The following HIVEP3 variants were observed in gnomAD, a reference collection of about 807,000 sequenced individuals.
HIVEP3 encodes the protein HIVEP zinc finger 3, also known as transcription factor HIVEP3.
HIVEP3 carries 49 observed loss-of-function variants against 152.8 expected under a neutral mutation model. The observed-to-expected ratio is 0.32, with a 90% CI of 0.26 to 0.41. HIVEP3 has a LOEUF of 0.41. Among genes scored for constraint, HIVEP3 ranks in the 10% least tolerant of loss-of-function variants. HIVEP3 has a pLI of 1.00. For synonymous variants in HIVEP3, 1,269 were observed against 1,289.0 expected, an observed-to-expected ratio of 0.98 and a Z score of 0.33; for missense variants, 2,790 against 3,103.3, an observed-to-expected ratio of 0.90 and a Z score of 2.40.
At chr1:41,927,933 T>C (rs1644976166) in intron 1 of HIVEP3, among the ~76,000 whole-genome samples, 1 of 151,698 alleles carries the variant, frequency 6.6e-6, no homozygotes, top group South Asian at 2.1e-4. Flanking sequence ...TGGTGACGTG[T>C]GCCTATAATC....
chr1:41,590,927 G>T (rs1291012816), intron 3 of HIVEP3, among the ~76,000 whole-genome samples: 1 of 152,104 alleles, frequency 6.6e-6, no homozygotes, highest in Non-Finnish European at 1.5e-5. Flanking sequence ...CTAACTGATG[G>T]TCCCCTAATC....
chr1:41,875,363 G>C (rs1463972015), intron 1 of HIVEP3, among the ~76,000 whole-genome samples: 1 of 152,190 alleles, frequency 6.6e-6, no homozygotes, highest in East Asian at 1.9e-4. Context: ...TCCTGCTCCT[G>C]GCCACGGCCT....
chr1:42,012,398 G>A (rs1645497822), intron 1 of HIVEP3, among the ~76,000 whole-genome samples: 1 of 150,082 alleles, frequency 6.7e-6, no homozygotes, highest in Non-Finnish European at 1.5e-5. Flanking sequence ...CGTCATGATG[G>A]TGTGGTCCCC....
intron 5 of HIVEP3, among the ~76,000 whole-genome samples, chr1:41,571,893 G>C (rs1252141292): frequency 6.6e-6 from 1 of 152,198 alleles, no homozygotes; most frequent in Non-Finnish European, 1.5e-5. Flanking sequence ...ATCATGTTTA[G>C]TGATGCTCAG....
At chr1:41,771,298 A>G (rs1288166262) in intron 1 of HIVEP3, among the ~76,000 whole-genome samples, 1 of 152,136 alleles carries the variant, frequency 6.6e-6, no homozygotes, top group Non-Finnish European at 1.5e-5. Context: ...CCACCCCCAA[A>G]AAATTAATTT....
intron 1 of HIVEP3, among the ~76,000 whole-genome samples, chr1:41,987,209 T>C (rs969733852): frequency 1.6e-4 from 25 of 152,154 alleles, no homozygotes; most frequent in African/African-American, 6.0e-4. Context: ...ATCGCTAAAA[T>C]GACCTTACTA....
intron 1 of HIVEP3, among the ~76,000 whole-genome samples, chr1:41,782,731 C>CAAAAAAAAAAAAAA: frequency 8.8e-6 from 1 of 113,578 alleles, no homozygotes; most frequent in Non-Finnish European, 1.9e-5. Context: ...GACTCCATCT[C>CAAAAAAAAAAAAAA]AAAAAAAAAA....
intron 1 of HIVEP3, among the ~76,000 whole-genome samples, chr1:41,768,068 A>T (rs983047151): frequency 1.3e-5 from 2 of 152,218 alleles, no homozygotes; most frequent in African/African-American, 4.8e-5. Flanking sequence ...TTCCAGGCCT[A>T]GCTCTGTGGC....
chr1:41,860,736 G>C (rs1643877051), intron 1 of HIVEP3, among the ~76,000 whole-genome samples: 1 of 152,168 alleles, frequency 6.6e-6, no homozygotes, highest in Non-Finnish European at 1.5e-5. Flanking sequence ...GGAGTTTCCT[G>C]CTGGGTCTGG....
chr1:41,541,316 A>G (rs1643526153), intron 5 of HIVEP3, among the ~76,000 whole-genome samples: 1 of 152,140 alleles, frequency 6.6e-6, no homozygotes, highest in South Asian at 2.1e-4. Flanking sequence ...TGGAAATGTG[A>G]CTTTCCCAAC....
At chr1:41,808,852 T>A (rs1650786890) in intron 1 of HIVEP3, among the ~76,000 whole-genome samples, 1 of 152,244 alleles carries the variant, frequency 6.6e-6, no homozygotes, top group Non-Finnish European at 1.5e-5. Flanking sequence ...TTATAAGGGA[T>A]CTCATTTATG....
intron 2 of HIVEP3, among the ~76,000 whole-genome samples, chr1:41,652,018 C>G (rs10890157): frequency 0.56 from 84,554 of 152,068 alleles, 24,117 homozygotes; most frequent in East Asian, 0.97. Flanking sequence ...TTCTATGCAC[C>G]TGGCACTCTT....
At chr1:42,027,733 C>A (rs1436463028) in intron 1 of HIVEP3, among the ~76,000 whole-genome samples, 1 of 152,132 alleles carries the variant, frequency 6.6e-6, no homozygotes, top group African/African-American at 2.4e-5. Context: ...GGGGAGGCCT[C>A]AAAATCATGG....
chr1:41,517,927 G>A (rs1454497172), intron 7 of HIVEP3, among the ~76,000 whole-genome samples: 1 of 152,244 alleles, frequency 6.6e-6, no homozygotes, highest in Non-Finnish European at 1.5e-5. Flanking sequence ...GCCCATGCCA[G>A]AGTGTGTAGG....
intron 3 of HIVEP3, among the ~76,000 whole-genome samples, chr1:41,586,735 T>G (rs183419796): frequency 2.0e-5 from 3 of 152,346 alleles, no homozygotes; most frequent in Non-Finnish European, 4.4e-5. Context: ...CACTGTGATA[T>G]GCTTTGGAGG....
At chr1:41,524,935 A>G (rs778417848) in intron 5 of HIVEP3, 25 bp from the exon 6 acceptor site, 5 of 1,599,996 alleles carry the variant, frequency 3.1e-6, no homozygotes. Context: ...CGTCATAGTA[A>G]AGGGAAAAAA....
At chr1:41,523,120 G>A (rs1312512815) in intron 6 of HIVEP3, among the ~76,000 whole-genome samples, 2 of 152,228 alleles carry the variant, frequency 1.3e-5, no homozygotes, top group South Asian at 4.1e-4. Flanking sequence ...GTTGACGACC[G>A]TCCATTGAAT....
chr1:41,949,611 C>T (rs969199823), intron 1 of HIVEP3, among the ~76,000 whole-genome samples: 2 of 152,128 alleles, frequency 1.3e-5, no homozygotes, highest in African/African-American at 4.8e-5. Flanking sequence ...CTTCAAAACA[C>T]TGGACCCTGG....
At chr1:42,001,300 C>A (rs745894334) in intron 1 of HIVEP3, among the ~76,000 whole-genome samples, 4 of 152,224 alleles carry the variant, frequency 2.6e-5, no homozygotes, top group Non-Finnish European at 4.4e-5. Context: ...GTCCGCGTAG[C>A]CCCAACATTG....
Sources: allele counts gnomAD v4.1 joint callset (sites outside exome capture counted in the v4.1 genomes callset), GRCh38; gene constraint gnomAD v4.1.1; transcripts MANE v1.5; gene names NCBI Gene and HGNC (gene_info 2026-07-23, HGNC 2026-07-21).